C19orf47: variants seen among roughly 807,000 people sequenced by gnomAD.
C19orf47 encodes chromosome 19 open reading frame 47.
A neutral mutation model predicts 32.3 loss-of-function variants in C19orf47; 18 were observed. The observed-to-expected ratio is 0.56, with a 90% CI of 0.39 to 0.83. The LOEUF (loss-of-function observed/expected upper bound fraction) is 0.83, where lower values mean the gene tolerates loss of function less well. Ranked by LOEUF, C19orf47 falls within the 40% of genes least tolerant of loss-of-function variation. The pLI, the probability that C19orf47 is intolerant of heterozygous loss-of-function variation, is 0.00. For missense variants in C19orf47, 484 were observed against 531.6 expected, an observed-to-expected ratio of 0.91 and a Z score of 0.88; for synonymous variants, 202 against 211.1, an observed-to-expected ratio of 0.96 and a Z score of 0.37.
In C19orf47 at chr19:40,341,834, C is replaced by T. The variant is rs1358384964; in HGVS notation, c.19+5G>A. On this transcript the variant is annotated splice_donor_5th_base_variant and intron_variant, in intron 2 of 8. Transcript: ENST00000683109. ...GGGGCCCTGGAGAGAAGGCCACAGA[C>T]TCACCCATAGTCACGGAGACCATCG... The T allele has an allele frequency of 6.5e-7, 1 of 1,536,158 alleles. No individual in the cohort carries two copies. Among genetic ancestry groups the T allele is most frequent in the Non-Finnish European group, 8.7e-7 (1 of 1,146,906 alleles).
Position 40,321,466 on chromosome 19 carries a change from G to T in C19orf47, c.*416C>A. The T allele has an allele frequency of 2.0e-6, 2 of 1,012,472 alleles. No homozygotes were observed. The highest frequency in any genetic ancestry group is 2.4e-6 in the Non-Finnish European group (2 of 846,388). The allele number at this position is 1,012,472 out of a possible 1,614,324, so 62.7% of individuals were successfully genotyped here. On this transcript the variant is annotated 3_prime_UTR_variant, in exon 9 of 9. Coordinates refer to ENST00000683109, the MANE Select transcript of C19orf47 (RefSeq NM_001256441.2). Reference sequence around the variant, plus strand: ...GTGAGGGAGGTCAGTGGGGAGTGGGGGAAGGGAGGCCCACCAGGTGACACC... The same window carrying T: ...GTGAGGGAGGTCAGTGGGGAGTGGGTGAAGGGAGGCCCACCAGGTGACACC...
chr19:40,340,795 A>G (rs2078161823), intron 2 of C19orf47, among the ~76,000 whole-genome samples: 1 of 151,794 alleles, frequency 6.6e-6, no homozygotes, highest in South Asian at 2.1e-4. Context: ...CCCAGGCAAC[A>G]TGGTGAAACC....
the C19orf47 span, among the ~76,000 whole-genome samples, chr19:40,295,094 T>C: frequency 1.3e-5 from 2 of 152,172 alleles, no homozygotes; most frequent in African/African-American, 2.4e-5. Context: ...TAATCTCGCC[T>C]CACTGCAACC....
Position 40,328,414 on chromosome 19 carries a change from A to G in C19orf47, c.438T>C (p.Thr146=), listed in dbSNP as rs773854808. Residue 146 remains threonine, a splice_region_variant and synonymous_variant, in exon 6 of 9, where the codon ACT becomes ACC. Transcript: ENST00000683109. ...NKMAAKSAKA[T]AALARREEES... Reference sequence around the variant, plus strand: ...TACCACCTGCCCATGTTCCCTCACCAGTGGCCTTGGCACTCTTTGCTGCCA... The same window carrying G: ...TACCACCTGCCCATGTTCCCTCACCGGTGGCCTTGGCACTCTTTGCTGCCA... 1 of 1,612,416 alleles carries G rather than the reference A, an allele frequency of 6.2e-7. No homozygotes were observed. The highest frequency in any genetic ancestry group is 8.5e-7 in the Non-Finnish European group (1 of 1,179,320).
chr19:40,326,924 T>G (rs2077842804), intron 6 of C19orf47, among the ~76,000 whole-genome samples: 1 of 151,002 alleles, frequency 6.6e-6, no homozygotes, highest in South Asian at 2.1e-4. Flanking sequence ...AAAAAATGAA[T>G]CCCCTCAAAC....
In C19orf47 at chr19:40,333,839, G is replaced by T; in HGVS notation, c.301+12C>A. The T allele has an allele frequency of 6.4e-7, 1 of 1,556,654 alleles. No homozygotes were observed. Among genetic ancestry groups the T allele is most frequent in the South Asian group, 1.2e-5 (1 of 84,090 alleles). Reference sequence around the variant, plus strand: ...AAATCAAGGAAAAGAGGCCTGAATAGTTAGGACTCACCACTGGTGCCACGG... The same window carrying T: ...AAATCAAGGAAAAGAGGCCTGAATATTTAGGACTCACCACTGGTGCCACGG... On this transcript the variant is annotated intron_variant, in intron 5 of 8. Transcript: ENST00000683109.
downstream of C19orf47, among the ~76,000 whole-genome samples, chr19:40,318,554 G>C (rs2077678727): frequency 6.6e-6 from 1 of 152,156 alleles, no homozygotes; most frequent in Non-Finnish European, 1.5e-5. Context: ...TACCTATGAA[G>C]TAGAATCAGA....
At chr19:40,346,466 T>C (rs1009558052) in intron 1 of C19orf47, among the ~76,000 whole-genome samples, 2 of 110,564 alleles carry the variant, frequency 1.8e-5, no homozygotes, top group African/African-American at 7.1e-5. Context: ...AATAAATAAA[T>C]AAATAAATAA....
rs2078062626 is a variant in C19orf47 at position 40,336,232 on chromosome 19, GAA to G, written c.108-10_108-9del. 1 of 1,614,110 alleles carries G rather than the reference GAA, an allele frequency of 6.2e-7. No individual in the cohort carries two copies. The highest frequency in any genetic ancestry group is 2.2e-5 in the East Asian group (1 of 44,882). ...AGCATGCTCTTCTGAATCCTGCAGG[GAA>G]AGGTCAGTGGTGAGGCCCCAGGTGG... On this transcript the variant is annotated splice_polypyrimidine_tract_variant and intron_variant, in intron 3 of 8. Transcript: ENST00000683109.
At chr19:40,335,839 G>C (rs1283814251) in intron 4 of C19orf47, among the ~76,000 whole-genome samples, 1 of 152,168 alleles carries the variant, frequency 6.6e-6, no homozygotes, top group Non-Finnish European at 1.5e-5. Flanking sequence ...TCAATCTCCT[G>C]ACTTCGTGAT....
the C19orf47 span, among the ~76,000 whole-genome samples, chr19:40,313,586 A>C: frequency 6.6e-6 from 1 of 152,276 alleles, no homozygotes; most frequent in African/African-American, 2.4e-5. Context: ...TGGCCTCCCC[A>C]AGTGTTGGGA....
rs200116164 is a variant in C19orf47 at position 40,326,316 on chromosome 19, C to T, written c.592+18G>A. ...GACATGGACCCCGCAGGGAAGCATG[C>T]CCCTGATGGGCCAGTACCTTTTGCA... On this transcript the variant is annotated intron_variant, in intron 7 of 8. Transcript: ENST00000683109. 4.2e-4 allele frequency: 681 copies of T among 1,613,740 alleles called. 2 individuals are homozygous for T. The African/African-American group carries it at 7.8e-3, about 18-fold the overall frequency.
chr19:40,321,703 A>G lies in C19orf47; in HGVS notation c.*179T>C, dbSNP rs2077720706. On this transcript the variant is annotated 3_prime_UTR_variant, in exon 9 of 9. Transcript: ENST00000683109. ...GGAGCAGGCCAGGCCAGCTGCGACG[A>G]CCATCCCAGGCTAGGAGAAATGGGG... The G allele has an allele frequency of 4.9e-6, 7 of 1,419,594 alleles. No homozygotes were observed. Among genetic ancestry groups the G allele is most frequent in the Non-Finnish European group, 6.4e-6 (7 of 1,092,812 alleles). The allele number at this position is 1,419,594 out of a possible 1,614,324, so 87.9% of individuals were successfully genotyped here. A position where few individuals can be genotyped will look rare whatever the true frequency, so the allele number is the denominator to read the frequency against.
chr19:40,339,558 G>A (rs969956371), intron 2 of C19orf47, among the ~76,000 whole-genome samples: 4 of 152,146 alleles, frequency 2.6e-5, no homozygotes, highest in Non-Finnish European at 5.9e-5. Context: ...ATGACCCTTA[G>A]ACATTATGTT....
chr19:40,322,981 T>C (rs1340907756), intron 8 of C19orf47, among the ~76,000 whole-genome samples: 1 of 152,196 alleles, frequency 6.6e-6, no homozygotes, highest in Non-Finnish European at 1.5e-5. Flanking sequence ...AGAGGAACTT[T>C]CCCTGAGGCA....
At chr19:40,307,954 C>T in the C19orf47 span, among the ~76,000 whole-genome samples, 4 of 151,714 alleles carry the variant, frequency 2.6e-5, no homozygotes, top group Admixed American at 1.3e-4. Flanking sequence ...CCCGCCACCA[C>T]GCCCGGCTAA....
chr19:40,304,786 G>A, the C19orf47 span, among the ~76,000 whole-genome samples: 2 of 152,050 alleles, frequency 1.3e-5, no homozygotes, highest in Non-Finnish European at 2.9e-5. Context: ...AACCTAGAAG[G>A]GTACAGGGAA....
In C19orf47 at chr19:40,321,793, C is replaced by T; in HGVS notation, c.*89G>A. 3 of 1,444,896 alleles carry T rather than the reference C, an allele frequency of 2.1e-6. No individual in the cohort carries two copies. Among genetic ancestry groups the T allele is most frequent in the Non-Finnish European group, 1.8e-6 (2 of 1,102,354 alleles). The allele number at this position is 1,444,896 out of a possible 1,614,324, so 89.5% of individuals were successfully genotyped here. Reference sequence around the variant, plus strand: ...GGAGACAAGCTGTGTCATCCAGGAGCTGGTGGGAGGCGTGATGAAGCCAGG... The same window carrying T: ...GGAGACAAGCTGTGTCATCCAGGAGTTGGTGGGAGGCGTGATGAAGCCAGG... On this transcript the variant is annotated 3_prime_UTR_variant, in exon 9 of 9. Transcript: ENST00000683109.
downstream of C19orf47, among the ~76,000 whole-genome samples, chr19:40,317,059 T>TTTCACTG (rs1393593627): frequency 6.6e-6 from 1 of 152,172 alleles, no homozygotes; most frequent in Non-Finnish European, 1.5e-5. Context: ...GGAAGATACT[T>TTTCACTG]TTCACTGTAG....
Sources: allele counts gnomAD v4.1 joint callset (sites outside exome capture counted in the v4.1 genomes callset), GRCh38; gene constraint gnomAD v4.1.1; transcripts MANE v1.5; gene names NCBI Gene and HGNC (gene_info 2026-07-23, HGNC 2026-07-21).